Variants in UVRAG observed in about 807,000 individuals in gnomAD.
UVRAG encodes UV radiation resistance-associated gene protein.
A neutral mutation model predicts 78.0 loss-of-function variants in UVRAG; 19 were observed. That is an observed-to-expected ratio of 0.24 (90% confidence interval 0.17 to 0.36). UVRAG has a LOEUF of 0.36. Ranked by LOEUF, UVRAG falls within the 10% of genes least tolerant of loss-of-function variation. The pLI is 1.00. For synonymous variants in UVRAG, 323 were observed against 324.6 expected, an observed-to-expected ratio of 1.00 and a Z score of 0.05; for missense variants, 740 against 853.8, an observed-to-expected ratio of 0.87 and a Z score of 1.66.
chr11:75,985,799 C>T (rs187010491), intron 8 of UVRAG, among the ~76,000 whole-genome samples: 10 of 152,168 alleles, frequency 6.6e-5, no homozygotes, highest in Non-Finnish European at 1.0e-4. Flanking sequence ...TTCACCATTG[C>T]GTTGCAGTTT....
intron 1 of UVRAG, chr11:75,838,852 G>C (rs1184167829): frequency 1.3e-5 from 2 of 152,208 alleles, no homozygotes; most frequent in Non-Finnish European, 2.9e-5. Flanking sequence ...ATCCATTTAT[G>C]TATTAACGGG....
At chr11:75,977,654 T>C (rs1018482095) in intron 7 of UVRAG, among the ~76,000 whole-genome samples, 71 of 152,350 alleles carry the variant, frequency 4.7e-4, no homozygotes, top group Admixed American at 4.6e-3. Context: ...CTGATCTTTG[T>C]TGGTTTAAAG....
At chr11:75,979,412 G>A (rs896769775) in intron 7 of UVRAG, 3 of 152,436 alleles carry the variant, frequency 2.0e-5, no homozygotes, top group African/African-American at 4.8e-5. Context: ...CTGACAGACA[G>A]GGATGTTTAA....
chr11:76,134,108 C>A (rs1426511220), intron 14 of UVRAG, among the ~76,000 whole-genome samples: 4 of 151,576 alleles, frequency 2.6e-5, no homozygotes, highest in Non-Finnish European at 5.9e-5. Flanking sequence ...TTACAGGTGC[C>A]CACCACTACA....
intron 13 of UVRAG, among the ~76,000 whole-genome samples, chr11:76,084,573 TG>T (rs1365059320): frequency 1.3e-5 from 2 of 152,216 alleles, no homozygotes; most frequent in African/African-American, 2.4e-5. Flanking sequence ...CGAGTTTTCC[TG>T]TATTTTATCT....
rs1207096643 is a variant in UVRAG, at chr11:76,080,231, A to G, written c.1305+14443A>G. ...GACATTTAAAACATAGCAAGCATTC[A>G]CTGTGATTAAAATTTTTGTGAAGAT... is the stretch of plus-strand genomic sequence containing the variant. On this transcript the variant is annotated intron_variant, in intron 13 of 14. Transcript: ENST00000356136. 3.3e-5 allele frequency among the ~76,000 whole-genome samples: 5 copies of G among 152,210 alleles called. No homozygotes were observed. In the East Asian group the frequency reaches 9.6e-4, roughly 29 times the overall value.
chr11:76,001,388 A>T (rs1949811631), intron 8 of UVRAG, among the ~76,000 whole-genome samples: 1 of 152,218 alleles, frequency 6.6e-6, no homozygotes, highest in Non-Finnish European at 1.5e-5. Flanking sequence ...CTTGTACCTT[A>T]ACAAATTAGA....
chr11:76,041,450 T>C (rs544538010), intron 12 of UVRAG, among the ~76,000 whole-genome samples: 60 of 151,908 alleles, frequency 3.9e-4, no homozygotes, highest in African/African-American at 1.4e-3. Flanking sequence ...GGGAAGGGAG[T>C]TGGTATTGGT....
At chr11:76,016,311 T>C (rs932285214) in intron 11 of UVRAG, among the ~76,000 whole-genome samples, 1 of 152,174 alleles carries the variant, frequency 6.6e-6, no homozygotes, top group Non-Finnish European at 1.5e-5. Flanking sequence ...TCTTTTTCAA[T>C]ATCAAGAACA....
At chr11:76,033,004 T>C (rs1031255232) in intron 12 of UVRAG, among the ~76,000 whole-genome samples, 1 of 152,234 alleles carries the variant, frequency 6.6e-6, no homozygotes, top group Non-Finnish European at 1.5e-5. Flanking sequence ...TAGAAACCTA[T>C]CTATAAAGTA....
chr11:76,044,163 C>T (rs1271149690), intron 12 of UVRAG, among the ~76,000 whole-genome samples: 1 of 152,096 alleles, frequency 6.6e-6, no homozygotes, highest in East Asian at 1.9e-4. Flanking sequence ...AGTGGGCATT[C>T]CTCCCTCCTC....
intron 13 of UVRAG, among the ~76,000 whole-genome samples, chr11:76,068,513 T>C (rs1049623125): frequency 1.3e-5 from 2 of 152,210 alleles, no homozygotes; most frequent in African/African-American, 4.8e-5. Flanking sequence ...TTAATCACAC[T>C]GGAGGCAGTT....
intron 11 of UVRAG, 46 bp from the exon 12 acceptor site, chr11:76,016,769 A>G (rs1270170556): frequency 6.8e-7 from 1 of 1,465,228 alleles, no homozygotes; most frequent in South Asian, 1.6e-5. Context: ...ATGGTTATTT[A>G]TAAGGTAAAT....
intron 8 of UVRAG, among the ~76,000 whole-genome samples, chr11:75,992,228 C>A (rs1949622039): frequency 1.3e-5 from 2 of 152,250 alleles, no homozygotes; most frequent in South Asian, 2.1e-4. Context: ...TTATAGATAT[C>A]TCTTCTAGTA....
intron 13 of UVRAG, among the ~76,000 whole-genome samples, chr11:76,103,323 ACTCT>A (rs1951910929): frequency 6.6e-6 from 1 of 151,638 alleles, no homozygotes; most frequent in African/African-American, 2.4e-5. Context: ...CACCCATCAA[ACTCT>A]CTCTGCACTG....
intron 5 of UVRAG, among the ~76,000 whole-genome samples, chr11:75,892,046 GA>G (rs1307219048): frequency 6.6e-6 from 1 of 152,106 alleles, no homozygotes; most frequent in Non-Finnish European, 1.5e-5. Context: ...AGGGCTTGTC[GA>G]TTCCTTCTAT....
chr11:76,009,383 G>C (rs1259141079), intron 11 of UVRAG, among the ~76,000 whole-genome samples: 1 of 151,976 alleles, frequency 6.6e-6, no homozygotes, highest in African/African-American at 2.4e-5. Context: ...AGGTATTATA[G>C]AATATGATCC....
chr11:76,078,522 A>G (rs1951440083), intron 13 of UVRAG, among the ~76,000 whole-genome samples: 1 of 151,866 alleles, frequency 6.6e-6, no homozygotes, highest in Non-Finnish European at 1.5e-5. Flanking sequence ...GGTAGATGCA[A>G]TGAAAGGAAT....
intron 3 of UVRAG, among the ~76,000 whole-genome samples, chr11:75,876,825 C>G (rs1946792135): frequency 6.6e-6 from 1 of 151,578 alleles, no homozygotes; most frequent in Non-Finnish European, 1.5e-5. Flanking sequence ...CAGTGAAAGC[C>G]CTTATGTTTT....
Sources: gnomAD v4.1 joint callset for allele counts (sites outside exome capture counted in the v4.1 genomes callset) on GRCh38, gnomAD v4.1.1 for gene constraint, MANE v1.5 for transcripts, NCBI Gene and HGNC (gene_info 2026-07-23, HGNC 2026-07-21) for gene names.